PARP4: variants seen among roughly 807,000 people sequenced by gnomAD.
PARP4 encodes protein mono-ADP-ribosyltransferase PARP4.
In PARP4, 120 loss-of-function variants were observed where a neutral mutation model predicts 187.7. The observed-to-expected ratio is 0.64, with a 90% CI of 0.55 to 0.74. The LOEUF (loss-of-function observed/expected upper bound fraction) is 0.74. PARP4 is among the 30% of genes least tolerant of loss of function. PARP4 has a pLI of 0.00. For synonymous variants in PARP4, 654 were observed against 740.9 expected (o/e 0.88, Z 1.90); for missense variants, 1,836 against 2,070.5 (o/e 0.89, Z 2.20).
At chr13:24,459,567 A>ACACACACACACC in intron 18 of PARP4, 1 of 410,882 alleles carries the variant, frequency 2.4e-6, no homozygotes, top group Non-Finnish European at 4.3e-6. Context: ...ACACACACAC[A>ACACACACACACC]TTTTATACAT....
At chr13:24,457,514 G>A (rs1480732862) in intron 20 of PARP4, among the ~76,000 whole-genome samples, 1 of 152,180 alleles carries the variant, frequency 6.6e-6, no homozygotes, top group African/African-American at 2.4e-5. Context: ...GCTCACGCCT[G>A]TAATCCCAAC....
At chr13:24,437,068 A>C (rs187739101) in intron 30 of PARP4, among the ~76,000 whole-genome samples, 208 of 152,290 alleles carry the variant, frequency 1.4e-3, no homozygotes, top group African/African-American at 4.9e-3. Context: ...TCAATGGAAC[A>C]GAGTAGGTAA....
chr13:24,459,680 C>T (rs1200921922), intron 18 of PARP4, among the ~76,000 whole-genome samples: 1 of 152,084 alleles, frequency 6.6e-6, no homozygotes, highest in East Asian at 1.9e-4. Context: ...CTTATTTTGG[C>T]TTATTTGTAT....
chr13:24,423,740 C>T lies in PARP4; in HGVS notation c.4980-2426G>A, dbSNP rs182189695. 3.9e-3 allele frequency among the ~76,000 whole-genome samples: 593 copies of T among 151,878 alleles called. 5 individuals are homozygous for T. The highest frequency in any genetic ancestry group is 0.018 in the East Asian group (92 of 5,116). ...TTGCCCAGGCTGGAGTGCAGTGGCA[C>T]GATCACAACTCACTGCAGCCTCAAC... On this transcript the variant is annotated intron_variant, in intron 33 of 33. Transcript: ENST00000381989.
At position 24,453,587 on chromosome 13, in the gene PARP4, C is replaced by G; in HGVS notation, c.2826G>C (p.Met942Ile). 1.3e-6 allele frequency: 2 copies of G among 1,583,680 alleles called. No homozygotes were observed. Among genetic ancestry groups the G allele is most frequent in the Non-Finnish European group, 1.7e-6 (2 of 1,152,434 alleles). The change falls in exon 23 of 34, where the codon ATG (methionine) becomes ATC (isoleucine). Residue 942 changes from methionine (M) to isoleucine (I), a missense_variant and splice_region_variant. Physicochemically the swap from Met to Ile is conservative, Grantham distance 10 (BLOSUM62 1). This residue lies in a region of PARP4 where 1,147 missense variants were observed against 1,214.2 expected (regional missense o/e 0.94). Coordinates refer to ENST00000381989, the MANE Select transcript of PARP4 (RefSeq NM_006437.4). ...GATACAGGAAGCCTCTTGCACTCAC[C>G]ATGATGAACTCTGCTGCCATGGTAT... is the stretch of plus-strand genomic sequence containing the variant. Reference protein sequence around the residue: ...TSNTMAAEFIMSATPTMGNTD... With the variant: ...TSNTMAAEFIISATPTMGNTD...
chr13:24,494,708 A>T lies in PARP4; in HGVS notation c.606T>A (p.Phe202Leu). 2 of 1,605,842 alleles carry T rather than the reference A, an allele frequency of 1.2e-6. No homozygotes were observed. The highest frequency in any genetic ancestry group is 1.7e-6 in the Non-Finnish European group (2 of 1,174,462). ...CATCTTCAGAGGTTTTCTTTATAGC[A>T]AACTGTCTTCTAGTCTGTGAATTAT... ...LDDGMETRRQ[F>L]AIKKTSEDAS... is the part of the protein sequence containing the mutation. The change falls in exon 7 of 34, where the codon TTT becomes TTA. Residue 202 changes from phenylalanine (F) to leucine (L), a missense_variant. Coordinates refer to ENST00000381989, the MANE Select transcript of PARP4 (RefSeq NM_006437.4).
At chr13:24,483,918 C>T (rs568060992) in intron 12 of PARP4, among the ~76,000 whole-genome samples, 3 of 152,316 alleles carry the variant, frequency 2.0e-5, no homozygotes, top group South Asian at 4.1e-4. Flanking sequence ...TGAGCTACTG[C>T]GCCTGGCCCC....
chr13:24,484,745 C>A lies in PARP4; in HGVS notation c.1356G>T (p.Gly452=), dbSNP rs762926485. ...VQNIVGILCR[G]LLLPKVVEDR... The stretch of plus-strand genomic sequence containing the variant: ...CTTCCACTACTTTGGGTAAAAGCAA[C>A]CCTCTGAAAAGAGAAGGGCAGGATA... The change falls in exon 12 of 34, where the codon GGG becomes GGT. Residue 452 remains glycine, a synonymous_variant. Transcript: ENST00000381989. 6 of 1,580,980 alleles carry A rather than the reference C, an allele frequency of 3.8e-6. No individual in the cohort carries two copies. The highest frequency in any genetic ancestry group is 2.6e-6 in the Non-Finnish European group (3 of 1,149,770).
chr13:24,452,984 G>A (rs749116058), intron 23 of PARP4, among the ~76,000 whole-genome samples: 1 of 151,938 alleles, frequency 6.6e-6, no homozygotes, highest in Admixed American at 6.6e-5. Context: ...GCCCAGGCTG[G>A]AGTGCAGTGG....
chr13:24,442,030 C>G, intron 29 of PARP4, 62 bp from the exon 30 acceptor site: 1 of 1,383,604 alleles, frequency 7.2e-7, no homozygotes, highest in South Asian at 1.4e-5. Context: ...GATGACTACA[C>G]ATTCTAAAGC....
chr13:24,510,973 G>A (rs1447897270), intron 1 of PARP4, among the ~76,000 whole-genome samples: 5 of 124,102 alleles, frequency 4.0e-5, no homozygotes, highest in Non-Finnish European at 8.6e-5. Flanking sequence ...TTTTGGTAGA[G>A]ACAGGGTTCT....
At chr13:24,437,496 T>C (rs571400936) in intron 30 of PARP4, among the ~76,000 whole-genome samples, 3 of 151,736 alleles carry the variant, frequency 2.0e-5, no homozygotes, top group Non-Finnish European at 4.4e-5. Flanking sequence ...TTCCCTAACA[T>C]AAAAAGTTTA....
Position 24,477,807 on chromosome 13 carries a change from A to C in PARP4, c.1683T>G (p.Ile561Met). 6.3e-7 allele frequency: 1 copy of C among 1,576,158 alleles called. No individual in the cohort carries two copies. The highest frequency in any genetic ancestry group is 8.7e-7 in the Non-Finnish European group (1 of 1,153,054). The change falls in exon 14 of 34, where the codon ATT (isoleucine) becomes ATG (methionine). Residue 561 changes from isoleucine to methionine, a missense_variant. Around this residue, in one of 8 missense-constraint regions of PARP4, gnomAD observed 1,147 missense variants for 1,214.2 expected, o/e 0.94. Coordinates refer to ENST00000381989, the MANE Select transcript of PARP4 (RefSeq NM_006437.4). ...YKTNQVKMKY[I>M]IKFSMPGDQI... The stretch of plus-strand genomic sequence containing the variant: ...GATCTCCAGGCATGGAAAATTTAAT[A>C]ATATATTTCATTTTAACCTGATTGG...
At chr13:24,496,385 T>G (rs1021394580) in intron 6 of PARP4, among the ~76,000 whole-genome samples, 1 of 152,210 alleles carries the variant, frequency 6.6e-6, no homozygotes, top group Non-Finnish European at 1.5e-5. Context: ...GCTGTAATAG[T>G]AGGCAAAATT....
At chr13:24,507,186 G>A (rs1869758187) in intron 1 of PARP4, among the ~76,000 whole-genome samples, 1 of 152,230 alleles carries the variant, frequency 6.6e-6, no homozygotes, top group African/African-American at 2.4e-5. Flanking sequence ...TCCTGCGCCT[G>A]CAAGCTGAAG....
At chr13:24,469,227 G>A (rs9507354) in intron 16 of PARP4, 117 bp from the exon 17 acceptor site, 373,589 of 689,092 alleles carry the variant, frequency 0.54, 102,001 homozygotes, top group South Asian at 0.64. Context: ...TGAGTCTAAG[G>A]TGAATGGAAA....
intron 15 of PARP4, among the ~76,000 whole-genome samples, chr13:24,471,153 T>C (rs1392432522): frequency 1.3e-5 from 2 of 152,224 alleles, no homozygotes; most frequent in African/African-American, 4.8e-5. Context: ...CCCTTGACTG[T>C]GCACGGAACT....
chr13:24,484,829 A>G (rs1488686079), intron 11 of PARP4, 81 bp from the exon 12 acceptor site: 4 of 881,144 alleles, frequency 4.5e-6, no homozygotes, highest in Non-Finnish European at 7.5e-6. Context: ...GCAGGTTCCT[A>G]CTGAACTTCT....
At chr13:24,506,330 CCAAA>C (rs1243209524) in intron 1 of PARP4, among the ~76,000 whole-genome samples, 4 of 152,078 alleles carry the variant, frequency 2.6e-5, no homozygotes, top group African/African-American at 4.8e-5. Flanking sequence ...CAGTGCGGAC[CCAAA>C]CAGTGAGCAG....
Sources: gnomAD v4.1 joint callset for allele counts (sites outside exome capture counted in the v4.1 genomes callset) on GRCh38, gnomAD v4.1.1 for gene constraint, gnomAD v4.1.1 regional missense constraint, MANE v1.5 for transcripts, NCBI Gene and HGNC (gene_info 2026-07-23, HGNC 2026-07-21) for gene names.